HTT: variants seen among roughly 807,000 people sequenced by gnomAD.
The protein encoded by HTT is huntington disease protein.
HTT carries 104 observed loss-of-function variants against 362.3 expected under a neutral mutation model. The ratio of observed to expected loss-of-function variants is 0.29; its 90% CI spans 0.24 to 0.34. The LOEUF is 0.34. Ranked by LOEUF, HTT falls within the 10% of genes least tolerant of loss-of-function variation. The pLI is 1.00. For missense variants in HTT, 3,301 were observed against 3,928.6 expected, an observed-to-expected ratio of 0.84 and a Z score of 4.27; for synonymous variants, 1,577 against 1,548.7, an observed-to-expected ratio of 1.02 and a Z score of -0.43.
rs770330348 is a variant in HTT, at chr4:3,199,720, CT to C, written c.5369-9del. ...TGAAAGCAAAGACATTTCTCCTTAA[CT>C]TTGTTTCTAGGAATGTTCCGGAGAA... On this transcript the variant is annotated splice_polypyrimidine_tract_variant and intron_variant, in intron 40 of 66. Coordinates refer to ENST00000355072, the MANE Select transcript of HTT (RefSeq NM_001388492.1). 236 of 1,612,312 alleles carry C rather than the reference CT, an allele frequency of 1.5e-4. 2 individuals carry two copies. In the Middle Eastern group the frequency reaches 5.3e-3, roughly 36 times the overall value.
chr4:3,215,241 A>C (rs1002681997), intron 51 of HTT, 30 bp downstream of exon 51: 1 of 1,534,776 alleles, frequency 6.5e-7, no homozygotes, highest in Non-Finnish European at 9.0e-7. Flanking sequence ...TTTTTCTTAC[A>C]TGTTGTTCCT....
At chr4:3,085,565 A>G (rs964660738) in intron 1 of HTT, among the ~76,000 whole-genome samples, 2 of 152,244 alleles carry the variant, frequency 1.3e-5, no homozygotes, top group South Asian at 2.1e-4. Flanking sequence ...CTTAATCACC[A>G]TACTTACTTT....
chr4:3,113,252 T>C (rs1714853508), intron 6 of HTT, among the ~76,000 whole-genome samples: 1 of 152,212 alleles, frequency 6.6e-6, no homozygotes, highest in Non-Finnish European at 1.5e-5. Context: ...TATTCCAAAC[T>C]ATTTAAGCTC....
At chr4:3,142,737 A>AT in intron 22 of HTT, 29 bp from the exon 23 acceptor site, 1 of 1,208,438 alleles carries the variant, frequency 8.3e-7, no homozygotes, top group South Asian at 1.3e-5. Flanking sequence ...TTAATAGTGT[A>AT]TTTTAAGTCT....
At chr4:3,207,801 G>T (rs1719938361) in intron 45 of HTT, among the ~76,000 whole-genome samples, 1 of 152,218 alleles carries the variant, frequency 6.6e-6, no homozygotes, top group South Asian at 2.1e-4. Context: ...TGTCTTCAAA[G>T]CATTTAATCA....
At chr4:3,197,640 G>T (rs1213756215) in intron 40 of HTT, among the ~76,000 whole-genome samples, 2 of 152,194 alleles carry the variant, frequency 1.3e-5, no homozygotes, top group Admixed American at 6.5e-5. Context: ...CCTTATTACA[G>T]CCCTGCGAAC....
chr4:3,131,729 C>A lies in HTT; in HGVS notation c.2190C>A (p.Phe730Leu). The A allele has an allele frequency of 6.2e-7, 1 of 1,614,132 alleles. No individual in the cohort carries two copies. The highest frequency in any genetic ancestry group is 8.5e-7 in the Non-Finnish European group (1 of 1,179,990). Residue 730 changes from phenylalanine (F) to leucine (L), a missense_variant, in exon 16 of 67, where the codon TTC becomes TTA. Physicochemically the swap from Phe to Leu is conservative, Grantham distance 22 (BLOSUM62 0). Transcript: ENST00000355072. ...CTGTGGCCCTCCACCCGGAATCTTTCTTCAGCAAACTCTATAAAGTTCCTC... is the reference window on the plus strand; with the variant it reads ...CTGTGGCCCTCCACCCGGAATCTTTATTCAGCAAACTCTATAAAGTTCCTC... The part of the protein sequence containing the change: ...GAAVALHPES[F>L]FSKLYKVPLD...
chr4:3,138,654 C>T (rs1716197848), intron 21 of HTT, among the ~76,000 whole-genome samples: 2 of 152,162 alleles, frequency 1.3e-5, no homozygotes, highest in Admixed American at 1.3e-4. Flanking sequence ...TTCTATGATG[C>T]CCAGGCTGGA....
intron 18 of HTT, 55 bp downstream of exon 18, chr4:3,132,966 G>C: frequency 7.8e-7 from 1 of 1,284,790 alleles, no homozygotes; most frequent in Non-Finnish European, 1.1e-6. Flanking sequence ...TTTTATCATT[G>C]CTACAATTAA....
chr4:3,232,294 C>A (rs1206274278), intron 60 of HTT, among the ~76,000 whole-genome samples: 1 of 152,148 alleles, frequency 6.6e-6, no homozygotes, highest in Non-Finnish European at 1.5e-5. Flanking sequence ...CGGAGAGGCT[C>A]CTACCACTGC....
At chr4:3,226,514 ATGGCACATGGCGTGGAGCCCTACAGG>A (rs1265435182) in intron 57 of HTT, among the ~76,000 whole-genome samples, 2 of 152,144 alleles carry the variant, frequency 1.3e-5, no homozygotes, top group Middle Eastern at 6.3e-3. Flanking sequence ...TTTGCATATG[ATGGCACATGGCGTGGAGCCCTACAGG>A]TGTATGCTGG....
rs3025832 is a variant in HTT, at chr4:3,188,583, C to T, written c.5226-368C>T. The T allele has an allele frequency of 3.7e-3, 696 of 185,760 alleles. 23 individuals are homozygous for T. Among genetic ancestry groups the T allele is most frequent in the Admixed American group, 0.037 (627 of 17,040 alleles). The allele number at this position is 185,760 out of a possible 1,614,324, so 11.5% of individuals were successfully genotyped here. ...AGATAAGCCCAGTAAGCCTGCTGGGCACCTTTTGGTTTGCAGGTTCAGCAG... is the reference window on the plus strand; with the variant it reads ...AGATAAGCCCAGTAAGCCTGCTGGGTACCTTTTGGTTTGCAGGTTCAGCAG... On this transcript the variant is annotated intron_variant, in intron 39 of 66. Transcript: ENST00000355072.
At position 3,143,896 on chromosome 4, in the gene HTT, C is replaced by A. The variant is rs540026418; in HGVS notation, c.3066+1010C>A. Among the ~76,000 whole-genome samples, 3 of 152,232 alleles carry A rather than the reference C, an allele frequency of 2.0e-5. No homozygotes were observed. The East Asian group carries it at 5.8e-4, about 29-fold the overall frequency. ...GGGATTACAGGTGTGAGCCACCATG[C>A]CTGGCCTTACATTTTTATAATAAGA... On this transcript the variant is annotated intron_variant, in intron 23 of 66. Coordinates refer to ENST00000355072, the MANE Select transcript of HTT (RefSeq NM_001388492.1).
At chr4:3,113,391 A>C (rs1432708978) in intron 6 of HTT, among the ~76,000 whole-genome samples, 1 of 151,864 alleles carries the variant, frequency 6.6e-6, no homozygotes, top group African/African-American at 2.4e-5. Context: ...GTGCAGTGGC[A>C]CAATCTCGGC....
chr4:3,079,866 G>A (rs1013830856), intron 1 of HTT, among the ~76,000 whole-genome samples: 4 of 152,148 alleles, frequency 2.6e-5, no homozygotes, highest in Admixed American at 6.5e-5. Context: ...TGTCGGCTGT[G>A]GGCAGTGTGA....
intron 14 of HTT, 94 bp from the exon 15 acceptor site, chr4:3,131,192 C>A: frequency 1.1e-6 from 1 of 951,994 alleles, no homozygotes; most frequent in Non-Finnish European, 1.7e-6. Context: ...CAGCACCTGG[C>A]TTAAGTGCTG....
rs1718286069 is a variant in HTT, at chr4:3,177,341, G to A, written c.4417G>A (p.Gly1473Ser). 1 of 1,599,118 alleles carries A rather than the reference G, an allele frequency of 6.3e-7. No individual in the cohort carries two copies. The highest frequency in any genetic ancestry group is 1.3e-5 in the African/African-American group (1 of 74,272). ...ATTTTCCTTCCTGTAGGTGTTTATT[G>A]GCTTTGTATTGAAACAGTTTGAATA... ...CLLDSDQVFI[G>S]FVLKQFEYIE... Residue 1473 changes from glycine (G) to serine (S), a missense_variant, in exon 34 of 67, where the codon GGC (glycine) becomes AGC (serine). Transcript: ENST00000355072.
At chr4:3,182,501 C>T (rs768103056) in intron 37 of HTT, 31 bp downstream of exon 37, 3 of 1,397,712 alleles carry the variant, frequency 2.1e-6, no homozygotes. Flanking sequence ...CTTGTTGTTG[C>T]ATAGTGATGG....
In HTT at chr4:3,212,706, T is replaced by C. The variant is rs1319350462; in HGVS notation, c.6771T>C (p.Leu2257=). The part of the protein sequence containing the change: ...KDIVKFVVAT[L]EALSWHLIHE... ...TTGTGAAATTCGTGGTGGCAACCCT[T>C]GAGGTAAGAGGCAGCTCGGGAGCTC... Residue 2257 remains leucine, a synonymous_variant, in exon 49 of 67, where the codon CTT becomes CTC. Transcript: ENST00000355072. 6.2e-7 allele frequency: 1 copy of C among 1,614,014 alleles called. No individual in the cohort carries two copies. Among genetic ancestry groups the C allele is most frequent in the Admixed American group, 1.7e-5 (1 of 60,026 alleles).
Sources: allele counts gnomAD v4.1 joint callset (sites outside exome capture counted in the v4.1 genomes callset), GRCh38; gene constraint gnomAD v4.1.1; transcripts MANE v1.5; gene names NCBI Gene and HGNC (gene_info 2026-07-23, HGNC 2026-07-21).